The following SGCZ variants were observed in gnomAD, a reference collection of about 807,000 sequenced individuals.
The protein encoded by SGCZ is zeta-sarcoglycan.
SGCZ carries 40 observed loss-of-function variants against 41.3 expected under a neutral mutation model. That is an observed-to-expected ratio of 0.97 (90% confidence interval 0.75 to 1.26). The LOEUF is 1.26. SGCZ is among the 50% of genes most tolerant of loss of function. The pLI, the probability that SGCZ is intolerant of heterozygous loss-of-function variation, is 0.00. For synonymous variants in SGCZ, 206 were observed against 137.5 expected, an observed-to-expected ratio of 1.50 and a Z score of -3.49; for missense variants, 552 against 369.8, an observed-to-expected ratio of 1.49 and a Z score of -4.04.
intron 2 of SGCZ, among the ~76,000 whole-genome samples, chr8:14,489,657 T>C (rs1801784004): frequency 6.6e-6 from 1 of 152,028 alleles, no homozygotes; most frequent in Non-Finnish European, 1.5e-5. Context: ...GACTTGAAAT[T>C]GGCATATTTC....
chr8:14,495,524 C>T (rs549102000), intron 2 of SGCZ, among the ~76,000 whole-genome samples: 1 of 152,242 alleles, frequency 6.6e-6, no homozygotes, highest in Admixed American at 6.5e-5. Flanking sequence ...CATATGTTTT[C>T]AGCATGTAGT....
chr8:14,981,066 A>C (rs1436801689), intron 1 of SGCZ, among the ~76,000 whole-genome samples: 1 of 152,148 alleles, frequency 6.6e-6, no homozygotes, highest in African/African-American at 2.4e-5. Context: ...GCTTGTATAA[A>C]AATTTCTTCC....
rs930075877 is a variant in SGCZ, at chr8:14,089,531, A to C, written c.*912T>G. ...CAAGTGCAGAGTGAGTGGAGCAAACAAAAATTATACTATTAAAACCTAGGT... is the reference window on the plus strand; with the variant it reads ...CAAGTGCAGAGTGAGTGGAGCAAACCAAAATTATACTATTAAAACCTAGGT... On this transcript the variant is annotated 3_prime_UTR_variant, in exon 8 of 8. Transcript: ENST00000382080. Among the ~76,000 whole-genome samples, 2 of 152,030 alleles carry C rather than the reference A, an allele frequency of 1.3e-5. No homozygotes were observed. Among genetic ancestry groups the C allele is most frequent in the African/African-American group, 4.8e-5 (2 of 41,432 alleles).
At chr8:15,099,365 C>A (rs1157881454) in intron 1 of SGCZ, among the ~76,000 whole-genome samples, 1 of 152,166 alleles carries the variant, frequency 6.6e-6, no homozygotes, top group Non-Finnish European at 1.5e-5. Context: ...TGCCCATAAA[C>A]TCGATAATTT....
intron 2 of SGCZ, among the ~76,000 whole-genome samples, chr8:14,328,742 T>G (rs1802211927): frequency 6.6e-6 from 1 of 152,172 alleles, no homozygotes; most frequent in Non-Finnish European, 1.5e-5. Flanking sequence ...CCTCTAAAAT[T>G]TAGGTGTTGA....
chr8:14,439,051 G>A (rs1208393051), intron 2 of SGCZ, among the ~76,000 whole-genome samples: 1 of 151,890 alleles, frequency 6.6e-6, no homozygotes, highest in Non-Finnish European at 1.5e-5. Flanking sequence ...CAGATGCCAA[G>A]TACTAACCCT....
rs1310622157 is a variant in SGCZ, at chr8:14,596,351, A to C, written c.40-41425T>G. ...TGTCTCAGAGCAAATATGAAGGAAG[A>C]CATGAATGACTTGAATCTTAAAATA... On this transcript the variant is annotated intron_variant, in intron 1 of 7. Coordinates refer to ENST00000382080, the MANE Select transcript of SGCZ (RefSeq NM_139167.4). 2.0e-5 allele frequency among the ~76,000 whole-genome samples: 3 copies of C among 152,274 alleles called. No individual in the cohort carries two copies. The South Asian group carries it at 6.2e-4, about 32-fold the overall frequency.
intron 1 of SGCZ, among the ~76,000 whole-genome samples, chr8:14,837,959 T>C (rs560331541): frequency 4.1e-4 from 63 of 152,232 alleles, no homozygotes; most frequent in African/African-American, 1.4e-3. Context: ...TTTCGAATTA[T>C]ACAATAAATT....
intron 2 of SGCZ, among the ~76,000 whole-genome samples, chr8:14,464,584 T>A (rs1800995618): frequency 6.6e-6 from 1 of 151,398 alleles, no homozygotes; most frequent in African/African-American, 2.4e-5. Context: ...TTTTTATTCT[T>A]TATTTTGTTT....
At chr8:14,996,491 T>C (rs902010997) in intron 1 of SGCZ, among the ~76,000 whole-genome samples, 6 of 152,118 alleles carry the variant, frequency 3.9e-5, no homozygotes, top group African/African-American at 1.2e-4. Context: ...AGCCTTGAAC[T>C]CTTGAACTCA....
At chr8:14,480,316 C>T (rs1801500720) in intron 2 of SGCZ, among the ~76,000 whole-genome samples, 1 of 152,136 alleles carries the variant, frequency 6.6e-6, no homozygotes, top group Non-Finnish European at 1.5e-5. Flanking sequence ...AATCACTGCT[C>T]CTTGAAATAT....
At chr8:14,114,337 T>C (rs1361813297) in intron 5 of SGCZ, among the ~76,000 whole-genome samples, 1 of 152,022 alleles carries the variant, frequency 6.6e-6, no homozygotes, top group Admixed American at 6.6e-5. Context: ...GCGATGATTA[T>C]CTGAATGTAT....
intron 2 of SGCZ, among the ~76,000 whole-genome samples, chr8:14,395,995 C>G (rs1457663625): frequency 6.6e-6 from 1 of 152,130 alleles, no homozygotes; most frequent in Admixed American, 6.6e-5. Flanking sequence ...CTAATGTATC[C>G]TCACTGTATG....
intron 1 of SGCZ, among the ~76,000 whole-genome samples, chr8:14,582,094 T>C (rs1804909566): frequency 6.6e-6 from 1 of 152,190 alleles, no homozygotes; most frequent in African/African-American, 2.4e-5. Flanking sequence ...TTCTGCTTAA[T>C]AAATAAATAT....
At chr8:14,299,646 G>A (rs1472985745) in intron 3 of SGCZ, among the ~76,000 whole-genome samples, 1 of 151,746 alleles carries the variant, frequency 6.6e-6, no homozygotes, top group Admixed American at 6.6e-5. Context: ...AACCTAAACA[G>A]ACTAATAATA....
chr8:14,470,879 C>G (rs558499219), intron 2 of SGCZ, among the ~76,000 whole-genome samples: 1 of 152,142 alleles, frequency 6.6e-6, no homozygotes, highest in Admixed American at 6.6e-5. Context: ...GACACTGGCA[C>G]TGAGACACAA....
At chr8:14,823,252 C>T (rs536356994) in intron 1 of SGCZ, among the ~76,000 whole-genome samples, 65 of 151,678 alleles carry the variant, frequency 4.3e-4, no homozygotes, top group African/African-American at 1.5e-3. Flanking sequence ...AACAAAAAAA[C>T]GTTTTGCACA....
chr8:14,852,443 A>T (rs538979242), intron 1 of SGCZ, among the ~76,000 whole-genome samples: 1 of 152,354 alleles, frequency 6.6e-6, no homozygotes, highest in South Asian at 2.1e-4. Flanking sequence ...AACTCAAGAA[A>T]GGAAGCTGTA....
At chr8:14,240,225 G>A (rs1798820957) in intron 3 of SGCZ, among the ~76,000 whole-genome samples, 1 of 151,098 alleles carries the variant, frequency 6.6e-6, no homozygotes, top group Admixed American at 6.6e-5. Flanking sequence ...CTACTCGGGA[G>A]GCTGAGGCAG....
Sources: allele counts gnomAD v4.1 joint callset (sites outside exome capture counted in the v4.1 genomes callset), GRCh38; gene constraint gnomAD v4.1.1; transcripts MANE v1.5; gene names NCBI Gene and HGNC (gene_info 2026-07-23, HGNC 2026-07-21).